TSPAN9: variants seen among roughly 807,000 people sequenced by gnomAD.
The protein encoded by TSPAN9 is tetraspanin 9, also known as tetraspanin-9.
A neutral mutation model predicts 31.0 loss-of-function variants in TSPAN9; 16 were observed. That is an observed-to-expected ratio of 0.52 (90% CI 0.35 to 0.78). The LOEUF is 0.78. Among genes scored for constraint, TSPAN9 ranks in the 30% least tolerant of loss-of-function variants. TSPAN9 has a pLI of 0.01. For synonymous variants in TSPAN9, 145 were observed against 121.6 expected, an observed-to-expected ratio of 1.19 and a Z score of -1.27; for missense variants, 272 against 312.5, an observed-to-expected ratio of 0.87 and a Z score of 0.98.
chr12:3,084,015 G>C (rs751727982), intron 2 of TSPAN9: 1 of 152,212 alleles, frequency 6.6e-6, no homozygotes, highest in Admixed American at 6.5e-5. Context: ...GAAGCCTAGG[G>C]AGAGGCCTGT....
At chr12:3,135,468 T>C (rs2098331680) in intron 2 of TSPAN9, among the ~76,000 whole-genome samples, 1 of 152,120 alleles carries the variant, frequency 6.6e-6, no homozygotes, top group African/African-American at 2.4e-5. Flanking sequence ...GCTTTTGGTG[T>C]TCTGTGGGTT....
chr12:3,170,319 T>G lies in TSPAN9; in HGVS notation c.-17-30858T>G. 6.6e-6 allele frequency among the ~76,000 whole-genome samples: 1 copy of G among 152,154 alleles called. No individual in the cohort carries two copies. On this transcript the variant is annotated intron_variant, in intron 2 of 8. Transcript: ENST00000011898. The surrounding 1 kb of genome is among the most constrained non-coding windows in gnomAD (Gnocchi z 4.4). ...CCATGGAGACAGATTTTGCAGTTAC[T>G]CCAGTTTTATACCTATAGCCCAAAC...
At chr12:3,215,722 A>AG (rs2098381052) in intron 3 of TSPAN9, among the ~76,000 whole-genome samples, 1 of 151,930 alleles carries the variant, frequency 6.6e-6, no homozygotes, top group Non-Finnish European at 1.5e-5. Context: ...TGGGGGTGGG[A>AG]GGGGCCCCTC....
chr12:3,119,882 G>A (rs2098324275), intron 2 of TSPAN9, among the ~76,000 whole-genome samples: 2 of 152,144 alleles, frequency 1.3e-5, no homozygotes, highest in African/African-American at 2.4e-5. Flanking sequence ...TCACTCAAAG[G>A]GCACGGGCCT....
chr12:3,226,714 ATGTATG>A (rs1565622297), intron 3 of TSPAN9, among the ~76,000 whole-genome samples: 16 of 4,494 alleles, frequency 3.6e-3, no homozygotes, highest in African/African-American at 7.4e-3. Flanking sequence ...GTGTATGTGT[ATGTATG>A]TGTGTGTGTG....
At position 3,107,986 on chromosome 12, in the gene TSPAN9, T is replaced by A. The variant is rs1175109193; in HGVS notation, c.-18+24267T>A. Among the ~76,000 whole-genome samples, 1 of 152,220 alleles carries A rather than the reference T, an allele frequency of 6.6e-6. No individual in the cohort carries two copies. The highest frequency in any genetic ancestry group is 2.4e-5 in the African/African-American group (1 of 41,466). On this transcript the variant is annotated intron_variant, in intron 2 of 8. Transcript: ENST00000011898. The surrounding 1 kb of genome is among the most constrained non-coding windows in gnomAD (Gnocchi z 4.1). The stretch of plus-strand genomic sequence containing the variant: ...AGAAACTCCCCAAAACCTCCATACC[T>A]GATCCTCACATTTCTGGATACTCCT...
At chr12:3,235,268 A>ATATG (rs2098393194) in intron 3 of TSPAN9, among the ~76,000 whole-genome samples, 1 of 95,822 alleles carries the variant, frequency 1.0e-5, no homozygotes, top group South Asian at 4.5e-4. Context: ...ATATATATAT[A>ATATG]TATGTAAGTG....
intron 1 of TSPAN9, among the ~76,000 whole-genome samples, chr12:3,080,069 G>A (rs188595632): frequency 6.3e-4 from 96 of 151,832 alleles, no homozygotes; most frequent in African/African-American, 2.0e-3. Context: ...GATTACAGGC[G>A]TGAGCCACCA....
In TSPAN9 at chr12:3,172,015, A is replaced by T. The variant is rs748786091; in HGVS notation, c.-17-29162A>T. Reference sequence around the variant, plus strand: ...CCCCACGGTGTCAGGTAGCTAGTTTATGGGTCCCATCCTGGTTGTGATAAC... The same window carrying T: ...CCCCACGGTGTCAGGTAGCTAGTTTTTGGGTCCCATCCTGGTTGTGATAAC... On this transcript the variant is annotated intron_variant, in intron 2 of 8. Coordinates refer to ENST00000011898, the MANE Select transcript of TSPAN9 (RefSeq NM_006675.5). This position sits in a 1 kb window ranked among gnomAD's most constrained non-coding sequence, Gnocchi z 4.8. 19 of 152,236 alleles carry T rather than the reference A, an allele frequency of 1.2e-4. No homozygotes were observed. Among genetic ancestry groups the T allele is most frequent in the African/African-American group, 4.3e-4 (18 of 41,444 alleles). The allele number at this position is 152,236 out of a possible 1,614,324, so 9.4% of individuals were successfully genotyped here.
In TSPAN9 at chr12:3,117,728, TCTC is replaced by T. The variant is rs537885080; in HGVS notation, c.-18+34012_-18+34014del. On this transcript the variant is annotated intron_variant, in intron 2 of 8. Transcript: ENST00000011898. ...TGTGGTTAGTTACTCATTCAGAAAT[TCTC>T]CTGTCCATCTGTTCTTCTGGGAACC... 7.9e-4 allele frequency among the ~76,000 whole-genome samples: 121 copies of T among 152,324 alleles called. 1 individual carries two copies. The highest frequency in any genetic ancestry group is 2.7e-3 in the African/African-American group (112 of 41,566).
intron 3 of TSPAN9, among the ~76,000 whole-genome samples, chr12:3,223,530 A>G (rs7980618): frequency 1 from 151,762 of 152,286 alleles, 75,620 homozygotes; most frequent in East Asian, 1. Flanking sequence ...TAACAGCCCC[A>G]AGACCGTCCT....
rs1277360518 is a variant in TSPAN9 at position 3,280,476 on chromosome 12, A to C, written c.425A>C (p.Gln142Pro). ...VGLKNAWNII[Q>P]AEMRCCGVTD... ...CTGAAGAACGCCTGGAACATCATCC[A>C]GGCTGAGGTGCGGGCTGGGCCGCCC... The change falls in exon 6 of 9, where the codon CAG becomes CCG. Residue 142 changes from glutamine to proline, a missense_variant. By Grantham distance (76) the Gln-to-Pro change is moderately conservative (BLOSUM62 -1). Coordinates refer to ENST00000011898, the MANE Select transcript of TSPAN9 (RefSeq NM_006675.5). This position sits in a 1 kb window ranked among gnomAD's most constrained non-coding sequence, Gnocchi z 4.5. 1 of 1,612,016 alleles carries C rather than the reference A, an allele frequency of 6.2e-7. No homozygotes were observed. The highest frequency in any genetic ancestry group is 2.2e-5 in the East Asian group (1 of 44,850).
intron 2 of TSPAN9, among the ~76,000 whole-genome samples, chr12:3,198,791 CCACCAGCACAGGTCA>C (rs2098369286): frequency 8.8e-5 from 9 of 102,196 alleles, no homozygotes; most frequent in African/African-American, 3.0e-4. Context: ...GCACAGGCCA[CCACCAGCACAGGTCA>C]CACCAGCACA....
At chr12:3,144,103 T>A (rs1226834918) in intron 2 of TSPAN9, among the ~76,000 whole-genome samples, 2 of 152,246 alleles carry the variant, frequency 1.3e-5, no homozygotes, top group South Asian at 2.1e-4. Flanking sequence ...TTATTTATTT[T>A]TTATTTATTT....
At chr12:3,255,284 G>A (rs891484556) in intron 3 of TSPAN9, among the ~76,000 whole-genome samples, 1 of 152,246 alleles carries the variant, frequency 6.6e-6, no homozygotes, top group African/African-American at 2.4e-5. Context: ...TCATCTGACT[G>A]TGGCATGTGG....
chr12:3,237,685 T>G (rs1477029334), intron 3 of TSPAN9, among the ~76,000 whole-genome samples: 1 of 152,174 alleles, frequency 6.6e-6, no homozygotes, highest in Non-Finnish European at 1.5e-5. Context: ...AATGGCAGTT[T>G]TATGATGTAG....
chr12:3,250,480 T>G (rs186214670), intron 3 of TSPAN9, among the ~76,000 whole-genome samples: 24 of 152,320 alleles, frequency 1.6e-4, no homozygotes, highest in African/African-American at 5.8e-4. Context: ...CTCTTGGGTG[T>G]CTGGTGTATT....
intron 2 of TSPAN9, among the ~76,000 whole-genome samples, chr12:3,146,315 C>T (rs1265191424): frequency 6.6e-6 from 1 of 152,126 alleles, no homozygotes; most frequent in Non-Finnish European, 1.5e-5. Flanking sequence ...TCAAGGCCCT[C>T]GGGGAGCTTA....
intron 2 of TSPAN9, among the ~76,000 whole-genome samples, chr12:3,121,710 T>C (rs976571114): frequency 6.6e-6 from 1 of 151,986 alleles, no homozygotes; most frequent in African/African-American, 2.4e-5. Flanking sequence ...AAGGTCTAGT[T>C]ACACTGAGCC....
Sources: allele counts gnomAD v4.1 joint callset (sites outside exome capture counted in the v4.1 genomes callset), GRCh38; gene constraint gnomAD v4.1.1; non-coding constraint Gnocchi (gnomAD v3.1); transcripts MANE v1.5; gene names NCBI Gene and HGNC (gene_info 2026-07-23, HGNC 2026-07-21).